OXR1: variants seen among roughly 807,000 people sequenced by gnomAD.
OXR1 encodes the protein oxidation resistance 1, also known as oxidation resistance protein 1.
OXR1 carries 41 observed loss-of-function variants against 104.6 expected under a neutral mutation model. That is an observed-to-expected ratio of 0.39 (90% CI 0.31 to 0.51). The LOEUF is 0.51. OXR1 is among the 20% of genes least tolerant of loss of function. OXR1 has a pLI of 0.77. For synonymous variants in OXR1, 348 were observed against 348.4 expected, an observed-to-expected ratio of 1.00 and a Z score of 0.01; for missense variants, 955 against 1,031.9, an observed-to-expected ratio of 0.93 and a Z score of 1.02.
intron 2 of OXR1, among the ~76,000 whole-genome samples, chr8:106,399,604 G>T (rs988757342): frequency 2.0e-5 from 3 of 152,160 alleles, no homozygotes; most frequent in African/African-American, 7.2e-5. Flanking sequence ...TTCAGACTGT[G>T]ATTAGAAACC....
chr8:106,386,359 T>G (rs966235399), intron 2 of OXR1, among the ~76,000 whole-genome samples: 9 of 152,214 alleles, frequency 5.9e-5, no homozygotes, highest in African/African-American at 2.2e-4. Context: ...AGACTCTGAA[T>G]AGGGTAGAGA....
intron 3 of OXR1, among the ~76,000 whole-genome samples, chr8:106,531,690 G>C (rs1814105328): frequency 6.6e-6 from 1 of 152,062 alleles, no homozygotes; most frequent in Non-Finnish European, 1.5e-5. Flanking sequence ...TCTTTTTCAA[G>C]TACTATTTCA....
intron 3 of OXR1, among the ~76,000 whole-genome samples, chr8:106,531,101 T>C (rs1264585337): frequency 6.6e-6 from 1 of 152,196 alleles, no homozygotes; most frequent in Non-Finnish European, 1.5e-5. Context: ...AGAAAGCCCA[T>C]AATGTGTCCT....
At chr8:106,525,452 A>G (rs1003815513) in intron 3 of OXR1, among the ~76,000 whole-genome samples, 12 of 152,240 alleles carry the variant, frequency 7.9e-5, no homozygotes, top group Non-Finnish European at 1.8e-4. Context: ...CACCATAAGT[A>G]TACAGCTAAA....
At chr8:106,714,461 T>A (rs888950928) in intron 11 of OXR1, among the ~76,000 whole-genome samples, 13 of 152,172 alleles carry the variant, frequency 8.5e-5, no homozygotes, top group African/African-American at 3.1e-4. Context: ...GACCTAAGCA[T>A]TATCTTGACT....
intron 3 of OXR1, among the ~76,000 whole-genome samples, chr8:106,528,767 T>C (rs541890010): frequency 6.6e-6 from 1 of 152,338 alleles, no homozygotes; most frequent in East Asian, 1.9e-4. Context: ...AGTGTGAAAC[T>C]AGGTCACCAC....
intron 3 of OXR1, among the ~76,000 whole-genome samples, chr8:106,652,798 T>C (rs965075582): frequency 2.6e-4 from 39 of 151,530 alleles, no homozygotes; most frequent in African/African-American, 8.5e-4. Context: ...GAATAGGAAA[T>C]AGAAAAACAT....
chr8:106,474,602 T>C (rs1426119909), intron 2 of OXR1, among the ~76,000 whole-genome samples: 13 of 151,946 alleles, frequency 8.6e-5, no homozygotes, highest in Admixed American at 8.5e-4. Flanking sequence ...TCTGTGTTCA[T>C]AAATGAAGTT....
At chr8:106,544,207 CT>C (rs71307066) in intron 3 of OXR1, among the ~76,000 whole-genome samples, 12,110 of 135,380 alleles carry the variant, frequency 0.089, 503 homozygotes, top group African/African-American at 0.16. Context: ...TTTTCTTTTT[CT>C]TTTTTTTTTT....
intron 3 of OXR1, among the ~76,000 whole-genome samples, chr8:106,615,894 C>T (rs745996342): frequency 3.3e-5 from 5 of 151,906 alleles, no homozygotes; most frequent in Admixed American, 6.6e-5. Context: ...ACTTTGTAAA[C>T]GATAAAACAT....
At chr8:106,562,387 T>C in intron 3 of OXR1, among the ~76,000 whole-genome samples, 1 of 152,174 alleles carries the variant, frequency 6.6e-6, no homozygotes, top group Middle Eastern at 3.4e-3. Flanking sequence ...GAAGATCAAC[T>C]TAATGAAATA....
At chr8:106,294,236 TAAAG>T (rs1440820556) in intron 1 of OXR1, among the ~76,000 whole-genome samples, 3 of 150,552 alleles carry the variant, frequency 2.0e-5, no homozygotes, top group African/African-American at 7.3e-5. Context: ...CCCCGTCTCT[TAAAG>T]AAACAATTAG....
chr8:106,621,400 A>G (rs1821684931), intron 3 of OXR1, among the ~76,000 whole-genome samples: 2 of 152,096 alleles, frequency 1.3e-5, no homozygotes, highest in African/African-American at 4.8e-5. Context: ...GCAATGAGCT[A>G]TGACGGCACC....
At chr8:106,714,364 A>G (rs1335638349) in intron 11 of OXR1, among the ~76,000 whole-genome samples, 2 of 152,054 alleles carry the variant, frequency 1.3e-5, no homozygotes, top group East Asian at 3.8e-4. Context: ...CATCTCCTCC[A>G]TGGAGGAGGT....
intron 3 of OXR1, among the ~76,000 whole-genome samples, chr8:106,605,819 A>G (rs1820333757): frequency 6.6e-6 from 1 of 151,922 alleles, no homozygotes; most frequent in Non-Finnish European, 1.5e-5. Context: ...AAAAGAAAAA[A>G]TAAAATAAAG....
intron 3 of OXR1, among the ~76,000 whole-genome samples, chr8:106,634,003 C>A (rs1229169391): frequency 1.3e-5 from 2 of 152,174 alleles, no homozygotes; most frequent in Non-Finnish European, 2.9e-5. Context: ...CCTGAATCGA[C>A]AATAATCTCC....
chr8:106,570,726 T>G (rs1244522415), intron 3 of OXR1, among the ~76,000 whole-genome samples: 1 of 152,198 alleles, frequency 6.6e-6, no homozygotes, highest in African/African-American at 2.4e-5. Context: ...TGTCCCCAGA[T>G]GCCTGTCTTG....
intron 3 of OXR1, among the ~76,000 whole-genome samples, chr8:106,536,594 C>T (rs1421309483): frequency 6.6e-6 from 1 of 152,140 alleles, no homozygotes; most frequent in Non-Finnish European, 1.5e-5. Flanking sequence ...ATTTACATAG[C>T]AATCTCGCCA....
chr8:106,659,440 A>G (rs2131076413), intron 3 of OXR1, among the ~76,000 whole-genome samples: 1 of 152,346 alleles, frequency 6.6e-6, no homozygotes, highest in African/African-American at 2.4e-5. Context: ...GAATTAGGAA[A>G]TGAAAAGGGG....
Sources: allele counts gnomAD v4.1 joint callset (sites outside exome capture counted in the v4.1 genomes callset), GRCh38; gene constraint gnomAD v4.1.1; transcripts MANE v1.5; gene names NCBI Gene and HGNC (gene_info 2026-07-23, HGNC 2026-07-21).